RPH3A: variants seen among roughly 807,000 people sequenced by gnomAD.
RPH3A encodes rabphilin-3A.
Under a neutral mutation model 102.2 loss-of-function variants are expected in RPH3A, and 48 were observed. The observed-to-expected ratio is 0.47, with a 90% CI of 0.37 to 0.60. The LOEUF (loss-of-function observed/expected upper bound fraction) is 0.60, where lower values mean the gene tolerates loss of function less well. Ranked by LOEUF, RPH3A falls within the 20% of genes least tolerant of loss-of-function variation. The pLI is 0.00. For synonymous variants in RPH3A, 310 were observed against 324.3 expected (o/e 0.96, Z 0.47); for missense variants, 781 against 910.1 (o/e 0.86, Z 1.83).
At chr12:112,824,958 G>A (rs1269958254) in intron 2 of RPH3A, among the ~76,000 whole-genome samples, 1 of 151,874 alleles carries the variant, frequency 6.6e-6, no homozygotes, top group Non-Finnish European at 1.5e-5. Flanking sequence ...GATCTCCAAG[G>A]CCAGTGTCTT....
chr12:112,589,893 G>A (rs2039464950), intron 1 of RPH3A, among the ~76,000 whole-genome samples: 1 of 152,112 alleles, frequency 6.6e-6, no homozygotes, highest in Admixed American at 6.6e-5. Flanking sequence ...GACCAGCTTG[G>A]CCAACGTAGT....
intron 1 of RPH3A, among the ~76,000 whole-genome samples, chr12:112,604,826 C>T (rs1033986588): frequency 3.3e-5 from 5 of 152,174 alleles, no homozygotes; most frequent in African/African-American, 1.2e-4. Context: ...TCTCTCAGTT[C>T]CTTGTCTCGT....
intron 1 of RPH3A, among the ~76,000 whole-genome samples, chr12:112,583,341 T>C (rs2039413768): frequency 1.3e-5 from 2 of 152,192 alleles, no homozygotes; most frequent in Non-Finnish European, 2.9e-5. Context: ...ACGAGGAAAC[T>C]GAGGCACAGA....
intron 11 of RPH3A, 81 bp downstream of exon 11, chr12:112,875,251 G>A: frequency 9.2e-7 from 1 of 1,092,770 alleles, no homozygotes; most frequent in Non-Finnish European, 1.3e-6. Context: ...TGCTTGCAGA[G>A]CATGCTGGGC....
intron 4 of RPH3A, among the ~76,000 whole-genome samples, chr12:112,845,859 G>T (rs2042220052): frequency 6.6e-6 from 1 of 152,152 alleles, no homozygotes; most frequent in Non-Finnish European, 1.5e-5. Flanking sequence ...AGAGATGGGT[G>T]CAATGGAGAA....
chr12:112,686,570 C>T (rs1235185980), intron 1 of RPH3A, among the ~76,000 whole-genome samples: 17 of 152,148 alleles, frequency 1.1e-4, no homozygotes, highest in African/African-American at 3.6e-4. Flanking sequence ...GGATGAGAGG[C>T]ACATGGCACA....
chr12:112,709,983 C>CT (rs891793337), intron 1 of RPH3A, among the ~76,000 whole-genome samples: 39 of 151,338 alleles, frequency 2.6e-4, no homozygotes, highest in Non-Finnish European at 4.0e-4. Context: ...TGCCTTTTTT[C>CT]TTTTTTTTTG....
intron 1 of RPH3A, among the ~76,000 whole-genome samples, chr12:112,713,094 CTTCTTCTT>C (rs2040490780): frequency 9.1e-6 from 1 of 109,624 alleles, no homozygotes; most frequent in South Asian, 3.4e-4. Context: ...TCTTCTTCTT[CTTCTTCTT>C]TTATTTTTTT....
intron 7 of RPH3A, among the ~76,000 whole-genome samples, chr12:112,867,752 CTT>C (rs1420127046): frequency 1.3e-5 from 2 of 152,234 alleles, no homozygotes; most frequent in Non-Finnish European, 2.9e-5. Context: ...CCACCCTCCT[CTT>C]TGCTACAAAC....
intron 1 of RPH3A, among the ~76,000 whole-genome samples, chr12:112,594,271 C>T (rs1451540299): frequency 6.6e-6 from 1 of 152,134 alleles, no homozygotes; most frequent in Non-Finnish European, 1.5e-5. Flanking sequence ...CTTCTCTGGG[C>T]CTACTTTTGG....
At chr12:112,696,611 A>T (rs2040353982) in intron 1 of RPH3A, among the ~76,000 whole-genome samples, 1 of 152,188 alleles carries the variant, frequency 6.6e-6, no homozygotes, top group African/African-American at 2.4e-5. Flanking sequence ...TTTCCTTTTG[A>T]TGTGAATACA....
rs903350107 is a variant in RPH3A, at chr12:112,875,090, G to A, written c.803G>A (p.Arg268Lys). The stretch of plus-strand genomic sequence containing the variant: ...TCTTTTCTTTCCTCTGCAGGTTTGA[G>A]ACGGGCCAACTCAGTCCAGGCCTCC... Reference protein sequence around the residue: ...GDSSRSPAGLRRANSVQASRP... With the variant: ...GDSSRSPAGLKRANSVQASRP... Residue 268 changes from arginine to lysine, a missense_variant, in exon 11 of 22, where the codon AGA (arginine) becomes AAA (lysine). Transcript: ENST00000389385. 1 of 1,607,992 alleles carries A rather than the reference G, an allele frequency of 6.2e-7. No individual in the cohort carries two copies. Among genetic ancestry groups the A allele is most frequent in the African/African-American group, 1.3e-5 (1 of 74,830 alleles).
intron 2 of RPH3A, among the ~76,000 whole-genome samples, chr12:112,817,755 G>A (rs937692406): frequency 5.3e-5 from 8 of 152,172 alleles, no homozygotes; most frequent in African/African-American, 1.4e-4. Flanking sequence ...AGGTCTCAGC[G>A]GGCCTTAGTG....
intron 2 of RPH3A, among the ~76,000 whole-genome samples, chr12:112,816,506 T>C (rs913193439): frequency 6.6e-6 from 1 of 152,128 alleles, no homozygotes; most frequent in African/African-American, 2.4e-5. Context: ...ATTGTCCAGA[T>C]AGGAAAAGGG....
At chr12:112,710,030 A>G (rs2040449467) in intron 1 of RPH3A, among the ~76,000 whole-genome samples, 1 of 151,966 alleles carries the variant, frequency 6.6e-6, no homozygotes, top group African/African-American at 2.4e-5. Flanking sequence ...GCTAGAGTGC[A>G]GTGGCATGAT....
chr12:112,894,978 G>T (rs1410911924), intron 20 of RPH3A, among the ~76,000 whole-genome samples: 5 of 152,060 alleles, frequency 3.3e-5, no homozygotes, highest in African/African-American at 4.8e-5. Context: ...CGGGAATTGG[G>T]GGTGGGGGTT....
At chr12:112,851,819 C>A (rs2042328580) in intron 5 of RPH3A, among the ~76,000 whole-genome samples, 1 of 152,154 alleles carries the variant, frequency 6.6e-6, no homozygotes, top group Non-Finnish European at 1.5e-5. Context: ...ATATAAGTGC[C>A]AAGTGGGATT....
intron 4 of RPH3A, among the ~76,000 whole-genome samples, chr12:112,843,751 G>A (rs1476610192): frequency 6.6e-6 from 1 of 152,184 alleles, no homozygotes; most frequent in Non-Finnish European, 1.5e-5. Flanking sequence ...AATAAATAAA[G>A]GGGGATCAGC....
At chr12:112,854,069 A>C (rs1467385658) in intron 5 of RPH3A, among the ~76,000 whole-genome samples, 19 of 152,162 alleles carry the variant, frequency 1.2e-4, no homozygotes, top group Admixed American at 1.2e-3. Context: ...GGGCTTCTCA[A>C]GTTCAGCACT....
Sources: gnomAD v4.1 joint callset for allele counts (sites outside exome capture counted in the v4.1 genomes callset) on GRCh38, gnomAD v4.1.1 for gene constraint, MANE v1.5 for transcripts, NCBI Gene and HGNC (gene_info 2026-07-23, HGNC 2026-07-21) for gene names.